The following EVI5 variants were observed in gnomAD, a reference collection of about 807,000 sequenced individuals.
The protein encoded by EVI5 is ecotropic viral integration site 5, also known as ecotropic viral integration site 5 protein homolog.
In EVI5, 73 loss-of-function variants were observed where a neutral mutation model predicts 112.0. The observed-to-expected ratio is 0.65, with a 90% confidence interval of 0.54 to 0.79. The LOEUF (loss-of-function observed/expected upper bound fraction) is 0.79. EVI5 is among the 30% of genes least tolerant of loss of function. The pLI is 0.00. For synonymous variants in EVI5, 305 were observed against 319.9 expected (o/e 0.95, Z 0.50); for missense variants, 900 against 968.8 (o/e 0.93, Z 0.94).
chr1:92,616,159 G>A (rs1186936848), intron 16 of EVI5, among the ~76,000 whole-genome samples: 1 of 152,154 alleles, frequency 6.6e-6, no homozygotes, highest in Admixed American at 6.6e-5. Context: ...TAGGGAGACT[G>A]GGATGGTGGA....
At chr1:92,704,206 C>T (rs1478830804) in intron 3 of EVI5, among the ~76,000 whole-genome samples, 4 of 152,034 alleles carry the variant, frequency 2.6e-5, no homozygotes, top group Non-Finnish European at 4.4e-5. Flanking sequence ...CATAGCTACT[C>T]AGGAGCCTGA....
At chr1:92,655,129 T>C (rs930800398) in intron 13 of EVI5, among the ~76,000 whole-genome samples, 1 of 151,742 alleles carries the variant, frequency 6.6e-6, no homozygotes, top group African/African-American at 2.4e-5. Flanking sequence ...CTCAGAGAAC[T>C]CTAGGAAAAT....
intron 19 of EVI5, among the ~76,000 whole-genome samples, chr1:92,545,671 G>A (rs189657278): frequency 7.9e-5 from 12 of 152,090 alleles, no homozygotes; most frequent in African/African-American, 2.4e-4. Context: ...AGATTTCCTC[G>A]TTTGATTAAA....
chr1:92,791,343 C>T (rs1027701403), intron 1 of EVI5, among the ~76,000 whole-genome samples: 1 of 152,160 alleles, frequency 6.6e-6, no homozygotes, highest in Non-Finnish European at 1.5e-5. Flanking sequence ...TGATCAACCC[C>T]TTTGAGCTCT....
chr1:92,693,186 T>C (rs1669772684), intron 9 of EVI5, among the ~76,000 whole-genome samples: 1 of 151,984 alleles, frequency 6.6e-6, no homozygotes, highest in Admixed American at 6.6e-5. Flanking sequence ...ACTCTGTCTC[T>C]ACAAAACAAA....
intron 16 of EVI5, chr1:92,622,259 A>T: frequency 2.4e-6 from 1 of 416,388 alleles, no homozygotes; most frequent in South Asian, 1.8e-5. Flanking sequence ...ACCTCAGTAG[A>T]AGTGGCTTCC....
intron 2 of EVI5, among the ~76,000 whole-genome samples, chr1:92,721,946 T>C (rs549582535): frequency 2.4e-4 from 37 of 152,338 alleles, no homozygotes; most frequent in Non-Finnish European, 5.1e-4. Flanking sequence ...CATCCTTGTA[T>C]ATAATAACCA....
intron 13 of EVI5, among the ~76,000 whole-genome samples, chr1:92,642,490 G>A (rs1413444609): frequency 3.3e-5 from 5 of 152,256 alleles, no homozygotes; most frequent in African/African-American, 9.6e-5. Flanking sequence ...GATTTTTAGA[G>A]AGACCTATAT....
At chr1:92,673,440 T>C (rs1370382973) in intron 10 of EVI5, among the ~76,000 whole-genome samples, 1 of 152,084 alleles carries the variant, frequency 6.6e-6, no homozygotes, top group Non-Finnish European at 1.5e-5. Context: ...AAAGTTTTTT[T>C]CCTTTTTAAA....
chr1:92,695,479 TA>T (rs1200914285), intron 6 of EVI5, 26 bp from the exon 7 acceptor site: 1 of 1,496,072 alleles, frequency 6.7e-7, no homozygotes, highest in Non-Finnish European at 9.1e-7. Context: ...TAATTAGTTA[TA>T]ACACAGTAAA....
rs963302007 is a variant in EVI5, at chr1:92,662,652, TG to T, written c.1392+66del. ...AAACAACAGCACAAAATCTGTGCTA[TG>T]AAAAAAAAAATGATTGAAAGGAAGG... On this transcript the variant is annotated intron_variant, in intron 13 of 19. Transcript: ENST00000684568. 2.9e-5 allele frequency: 29 copies of T among 1,010,792 alleles called. No individual in the cohort carries two copies. In the Admixed American group the frequency reaches 3.3e-4, roughly 11 times the overall value. The allele number at this position is 1,010,792 out of a possible 1,614,324, so 62.6% of individuals were successfully genotyped here.
chr1:92,537,181 T>G (rs1246179833), intron 19 of EVI5, among the ~76,000 whole-genome samples: 1 of 152,156 alleles, frequency 6.6e-6, no homozygotes, highest in Non-Finnish European at 1.5e-5. Context: ...CTTTGATCAC[T>G]ACTAGACAGG....
intron 9 of EVI5, among the ~76,000 whole-genome samples, chr1:92,685,389 ACACATTT>A (rs1430014692): frequency 6.6e-6 from 1 of 152,220 alleles, no homozygotes; most frequent in Admixed American, 6.5e-5. Flanking sequence ...AATCTCTGGG[ACACATTT>A]AAAGCAGTGT....
intron 14 of EVI5, among the ~76,000 whole-genome samples, chr1:92,631,213 G>A (rs1370176265): frequency 6.6e-6 from 1 of 152,042 alleles, no homozygotes; most frequent in Non-Finnish European, 1.5e-5. Flanking sequence ...CCAATTCTGT[G>A]AAGAAAGTCA....
rs570552362 is a variant in EVI5 at position 92,784,797 on chromosome 1, G to C, written c.-82+39C>G. The C allele has an allele frequency of 1.5e-5, 15 of 984,076 alleles. No homozygotes were observed. The African/African-American group carries it at 1.9e-4, about 13-fold the overall frequency. 61.0% of individuals were successfully genotyped at this position (984,076 alleles called of 1,614,324 possible). A position where few individuals can be genotyped will look rare whatever the true frequency, so the allele number is the denominator to read the frequency against. Reference sequence around the variant, plus strand: ...CGGAACACGGACTCACCGCCCGCCCGGCCTCCCGGCCCGCCCGGCCTGGCG... The same window carrying C: ...CGGAACACGGACTCACCGCCCGCCCCGCCTCCCGGCCCGCCCGGCCTGGCG... On this transcript the variant is annotated intron_variant, in intron 1 of 19. Coordinates refer to ENST00000684568, the MANE Select transcript of EVI5 (RefSeq NM_001350197.2).
chr1:92,639,285 A>G (rs1487028645), intron 13 of EVI5, among the ~76,000 whole-genome samples: 2 of 152,178 alleles, frequency 1.3e-5, no homozygotes, highest in Non-Finnish European at 2.9e-5. Flanking sequence ...GAAAGTCCTC[A>G]GTAATCCTTT....
chr1:92,576,871 A>G (rs1309800018), intron 18 of EVI5, among the ~76,000 whole-genome samples: 1 of 152,222 alleles, frequency 6.6e-6, no homozygotes, highest in African/African-American at 2.4e-5. Context: ...TGGTAGTTCA[A>G]TGATAACCAC....
At chr1:92,604,178 C>G (rs1037672845) in intron 18 of EVI5, among the ~76,000 whole-genome samples, 1 of 149,968 alleles carries the variant, frequency 6.7e-6, no homozygotes, top group East Asian at 1.9e-4. Context: ...AGGGAGACCT[C>G]ATTGCTACTA....
intron 12 of EVI5, among the ~76,000 whole-genome samples, chr1:92,663,203 T>A (rs1664315862): frequency 6.6e-6 from 1 of 152,172 alleles, no homozygotes; most frequent in Non-Finnish European, 1.5e-5. Context: ...ATAAATACTT[T>A]AAAAAATAAG....
Sources: gnomAD v4.1 joint callset for allele counts (sites outside exome capture counted in the v4.1 genomes callset) on GRCh38, gnomAD v4.1.1 for gene constraint, MANE v1.5 for transcripts, NCBI Gene and HGNC (gene_info 2026-07-23, HGNC 2026-07-21) for gene names.